Variants in MROH7 observed in about 807,000 individuals in gnomAD.
The protein encoded by MROH7 is maestro heat like repeat family member 7.
Under a neutral mutation model 129.2 loss-of-function variants are expected in MROH7, and 113 were observed. That is an observed-to-expected ratio of 0.87 (90% confidence interval 0.75 to 1.02). MROH7 has a LOEUF of 1.02. MROH7 is among the 50% of genes least tolerant of loss of function. The probability of loss-of-function intolerance (pLI) is 0.00; values close to 1 mark genes in which losing one functional copy is unlikely to be tolerated. For synonymous variants in MROH7, 655 were observed against 667.9 expected (o/e 0.98, Z 0.30); for missense variants, 1,601 against 1,671.3 (o/e 0.96, Z 0.73).
intron 3 of MROH7, among the ~76,000 whole-genome samples, chr1:54,656,223 T>C (rs1057099852): frequency 6.6e-6 from 1 of 151,710 alleles, no homozygotes; most frequent in Non-Finnish European, 1.5e-5. Context: ...TGAAAAGTTT[T>C]TTTTTCGGCT....
At chr1:54,666,173 T>A (rs550186597) in intron 4 of MROH7, among the ~76,000 whole-genome samples, 87 of 152,306 alleles carry the variant, frequency 5.7e-4, no homozygotes, top group Non-Finnish European at 1.1e-3. Flanking sequence ...GAAGACTTCT[T>A]ATTGATGTCA....
intron 14 of MROH7, among the ~76,000 whole-genome samples, chr1:54,684,276 C>A (rs1001303401): frequency 6.6e-6 from 1 of 152,178 alleles, no homozygotes; most frequent in African/African-American, 2.4e-5. Flanking sequence ...CATGTCTCCC[C>A]CCAGGTCACC....
chr1:54,665,057 G>T (rs1005640060), intron 3 of MROH7, 110 bp from the exon 4 acceptor site: 3 of 727,672 alleles, frequency 4.1e-6, no homozygotes, highest in Non-Finnish European at 7.1e-6. Flanking sequence ...GTGGCTGCTG[G>T]GGTGGGGTAA....
Position 54,699,159 on chromosome 1 carries a change from T to TTTG in MROH7, c.2965-1160_2965-1159insGTT, listed in dbSNP as rs71048705. On this transcript the variant is annotated intron_variant, in intron 17 of 23. Transcript: ENST00000421030. ...CTTTCTTTCTTTCTTTCTTTCTTTC[T>TTTG]TTTCTTTCTTTCTTTCTTTCTTTCT... The TTTG allele has an allele frequency of 4.5e-5, 3 of 65,976 alleles. No individual in the cohort carries two copies. In the South Asian group the frequency reaches 1.9e-3, roughly 42 times the overall value. 4.1% of individuals were successfully genotyped at this position (65,976 alleles called of 1,614,324 possible).
chr1:54,687,781 T>C (rs896970504), intron 15 of MROH7, among the ~76,000 whole-genome samples: 3 of 152,208 alleles, frequency 2.0e-5, no homozygotes, highest in African/African-American at 7.2e-5. Flanking sequence ...ATTTTTATCT[T>C]TGCCAATATT....
intron 16 of MROH7, among the ~76,000 whole-genome samples, chr1:54,693,157 C>T (rs2101176871): frequency 6.6e-6 from 1 of 152,312 alleles, no homozygotes; most frequent in South Asian, 2.1e-4. Flanking sequence ...GCCTTTTAGA[C>T]ACAGTTATCA....
chr1:54,695,378 C>A lies in MROH7; in HGVS notation c.2852C>A (p.Ala951Asp). The A allele has an allele frequency of 6.2e-7, 1 of 1,605,312 alleles. No homozygotes were observed. The highest frequency in any genetic ancestry group is 8.5e-7 in the Non-Finnish European group (1 of 1,173,702). ...CTACTCCCCCTTCCCACCCCCAGGGCCATGGTGCAGTACTCCTGCCAGGAG... is the reference window on the plus strand; with the variant it reads ...CTACTCCCCCTTCCCACCCCCAGGGACATGGTGCAGTACTCCTGCCAGGAG... ...HHRGVALLAR[A>D]MVQYSCQELC... Residue 951 changes from alanine (A) to aspartate (D), a missense_variant and splice_region_variant, in exon 17 of 24, where the codon GCC becomes GAC. Transcript: ENST00000421030.
chr1:54,678,360 G>A (rs1012585164), intron 10 of MROH7, among the ~76,000 whole-genome samples: 3 of 152,226 alleles, frequency 2.0e-5, no homozygotes, highest in South Asian at 2.1e-4. Flanking sequence ...ATACAGCACT[G>A]AGAATGAATG....
intron 16 of MROH7, among the ~76,000 whole-genome samples, chr1:54,693,767 G>T (rs1645276934): frequency 6.6e-6 from 1 of 152,192 alleles, no homozygotes; most frequent in African/African-American, 2.4e-5. Flanking sequence ...TTTCCCCAGG[G>T]TCTCAGGATA....
At chr1:54,694,171 G>T (rs972572177) in intron 16 of MROH7, among the ~76,000 whole-genome samples, 1 of 152,260 alleles carries the variant, frequency 6.6e-6, no homozygotes, top group East Asian at 1.9e-4. Flanking sequence ...CGTGAGCCAC[G>T]TCCCTCGGTG....
intron 17 of MROH7, 24 bp downstream of exon 17, chr1:54,695,514 A>G: frequency 6.6e-7 from 1 of 1,518,170 alleles, no homozygotes; most frequent in Non-Finnish European, 9.1e-7. Flanking sequence ...CAGCGGGTAC[A>G]CAGCGGGAGC....
rs745512395 is a variant in MROH7 at position 54,653,783 on chromosome 1, C to A, written c.857C>A (p.Ser286Tyr). ...GTGGCTTCCAGCGGCCACTCCAGAT[C>A]TGATTTGAGCGTGACCATCACTCAA... The part of the protein sequence containing the change: ...MNVASSGHSR[S>Y]DLSVTITQAS... The change falls in exon 3 of 24, where the codon TCT (serine) becomes TAT (tyrosine). Residue 286 changes from serine to tyrosine, a missense_variant. Transcript: ENST00000421030. 1 of 1,614,220 alleles carries A rather than the reference C, an allele frequency of 6.2e-7. No individual in the cohort carries two copies. Among genetic ancestry groups the A allele is most frequent in the South Asian group, 1.1e-5 (1 of 91,082 alleles).
In MROH7 at chr1:54,653,946, C is replaced by T; in HGVS notation, c.1020C>T (p.Asp340=). 6.2e-7 allele frequency: 1 copy of T among 1,614,206 alleles called. No homozygotes were observed. Among genetic ancestry groups the T allele is most frequent in the Non-Finnish European group, 8.5e-7 (1 of 1,180,034 alleles). ...GTTCCAATGAGACTCTGAGCCTGGA[C>T]TCCAGCCTCCTGTTCAGCGACACCT... ...ILGSNETLSL[D]SSLLFSDTST... is the part of the protein sequence containing the mutation. The change falls in exon 3 of 24, where the codon GAC becomes GAT. Residue 340 remains aspartate (D), a synonymous_variant. Transcript: ENST00000421030.
intron 1 of MROH7, among the ~76,000 whole-genome samples, chr1:54,649,407 A>G (rs941743463): frequency 6.6e-6 from 1 of 152,224 alleles, no homozygotes; most frequent in Admixed American, 6.5e-5. Context: ...GATCCCACCC[A>G]AGCCCCTCAA....
At chr1:54,705,459 A>G (rs1645518016) in intron 21 of MROH7, among the ~76,000 whole-genome samples, 1 of 152,208 alleles carries the variant, frequency 6.6e-6, no homozygotes, top group Admixed American at 6.5e-5. Context: ...ACAGTGTCAT[A>G]GGTGTCATGA....
At chr1:54,678,651 A>G (rs765527627) in intron 10 of MROH7, 91 bp from the exon 11 acceptor site, 7 of 862,668 alleles carry the variant, frequency 8.1e-6, no homozygotes, top group African/African-American at 1.7e-5. Flanking sequence ...AAATGTATCA[A>G]GTTAGTTCCT....
rs1207618668 is a variant in MROH7, at chr1:54,653,453, A to T, written c.527A>T (p.Asn176Ile). The change falls in exon 3 of 24, where the codon AAC (asparagine) becomes ATC (isoleucine). Residue 176 changes from asparagine to isoleucine, a missense_variant. By Grantham distance (149) the Asn-to-Ile change is moderately radical (BLOSUM62 -3). Coordinates refer to ENST00000421030, the MANE Select transcript of MROH7 (RefSeq NM_001039464.4). The stretch of plus-strand genomic sequence containing the variant: ...TCCAACCCTTCTAGGCATGAATTAA[A>T]CCCATTTATAAGGCACCATTCCAGA... ...RNSNPSRHEL[N>I]PFIRHHSREG... 1 of 1,614,014 alleles carries T rather than the reference A, an allele frequency of 6.2e-7. No homozygotes were observed. The highest frequency in any genetic ancestry group is 8.5e-7 in the Non-Finnish European group (1 of 1,180,036).
At chr1:54,676,223 C>A (rs1213768446) in intron 10 of MROH7, among the ~76,000 whole-genome samples, 5 of 151,998 alleles carry the variant, frequency 3.3e-5, no homozygotes, top group Admixed American at 6.6e-5. Flanking sequence ...TTTTAGCAGG[C>A]AAGAACCATA....
intron 3 of MROH7, among the ~76,000 whole-genome samples, chr1:54,658,554 G>C (rs684472): frequency 0.31 from 47,634 of 151,904 alleles, 7,681 homozygotes; most frequent in South Asian, 0.53. Context: ...CTTTTTTGGG[G>C]TATAAGATGG....
Sources: allele counts gnomAD v4.1 joint callset (sites outside exome capture counted in the v4.1 genomes callset), GRCh38; gene constraint gnomAD v4.1.1; transcripts MANE v1.5; gene names NCBI Gene and HGNC (gene_info 2026-07-23, HGNC 2026-07-21).